The following NALF1 variants were observed in gnomAD, a reference collection of about 807,000 sequenced individuals.
NALF1 encodes the protein family with sequence similarity 155 member A.
In NALF1, 3 loss-of-function variants were observed where a neutral mutation model predicts 48.4. That is an observed-to-expected ratio of 0.06 (90% CI 0.03 to 0.16). The LOEUF is 0.16. Among genes scored for constraint, NALF1 ranks in the 10% least tolerant of loss-of-function variants. The pLI, the probability that NALF1 is intolerant of heterozygous loss-of-function variation, is 1.00. For synonymous variants in NALF1, 262 were observed against 245.7 expected (o/e 1.07, Z -0.62); for missense variants, 526 against 571.5 (o/e 0.92, Z 0.81).
At chr13:107,639,802 A>G (rs185391515) in intron 1 of NALF1, among the ~76,000 whole-genome samples, 1 of 152,262 alleles carries the variant, frequency 6.6e-6, no homozygotes, top group East Asian at 1.9e-4. Flanking sequence ...TGCTCATTGC[A>G]TTCTTTTATT....
intron 1 of NALF1, among the ~76,000 whole-genome samples, chr13:107,259,980 A>G (rs938209345): frequency 2.0e-5 from 3 of 152,242 alleles, no homozygotes; most frequent in African/African-American, 7.2e-5. Flanking sequence ...GCAACTCAAT[A>G]AAGATTTTCT....
intron 1 of NALF1, among the ~76,000 whole-genome samples, chr13:107,346,863 T>C (rs1659043801): frequency 6.6e-6 from 1 of 152,236 alleles, no homozygotes; most frequent in South Asian, 2.1e-4. Flanking sequence ...AGATGATTTT[T>C]AATATTAGAG....
intron 1 of NALF1, among the ~76,000 whole-genome samples, chr13:107,487,865 TTGTAC>T (rs1249197605): frequency 6.6e-6 from 1 of 151,968 alleles, no homozygotes; most frequent in Admixed American, 6.6e-5. Context: ...TACTGGCTCT[TTGTAC>T]ATCTGGCAGA....
chr13:107,550,099 T>C (rs180953425), intron 1 of NALF1, among the ~76,000 whole-genome samples: 29 of 152,250 alleles, frequency 1.9e-4, no homozygotes, highest in East Asian at 1.2e-3. Context: ...ATTGAAACCA[T>C]CACATCCTCA....
At chr13:107,494,119 G>T (rs915979439) in intron 1 of NALF1, among the ~76,000 whole-genome samples, 1 of 139,304 alleles carries the variant, frequency 7.2e-6, no homozygotes, top group Non-Finnish European at 1.5e-5. Context: ...TAGAACTACT[G>T]ATAAAAACAG....
At chr13:107,860,056 TA>T (rs1566509206) in intron 1 of NALF1, among the ~76,000 whole-genome samples, 1 of 151,942 alleles carries the variant, frequency 6.6e-6, no homozygotes, top group Non-Finnish European at 1.5e-5. Context: ...GAATTAAACT[TA>T]AAAAATAAAA....
At chr13:107,556,535 A>C (rs1202217863) in intron 1 of NALF1, among the ~76,000 whole-genome samples, 1 of 152,102 alleles carries the variant, frequency 6.6e-6, no homozygotes. Flanking sequence ...CTTGTTGCCC[A>C]GGCTGGAGTG....
chr13:107,782,451 G>T (rs1425668048), intron 1 of NALF1, among the ~76,000 whole-genome samples: 1 of 152,084 alleles, frequency 6.6e-6, no homozygotes, highest in Non-Finnish European at 1.5e-5. Flanking sequence ...AGTGCCCAGA[G>T]TGCAGCCTCT....
intron 1 of NALF1, among the ~76,000 whole-genome samples, chr13:107,687,798 C>G (rs1273705443): frequency 6.6e-6 from 1 of 152,090 alleles, no homozygotes; most frequent in Non-Finnish European, 1.5e-5. Context: ...TTCAGATTGT[C>G]AATTGCACTA....
intron 1 of NALF1, among the ~76,000 whole-genome samples, chr13:107,443,268 T>C (rs1347759760): frequency 6.6e-6 from 1 of 152,018 alleles, no homozygotes; most frequent in East Asian, 1.9e-4. Flanking sequence ...CAGGCTGGAG[T>C]GCAATAGTGC....
At chr13:107,530,909 T>C (rs940900516) in intron 1 of NALF1, among the ~76,000 whole-genome samples, 8 of 152,098 alleles carry the variant, frequency 5.3e-5, no homozygotes, top group African/African-American at 1.9e-4. Context: ...AAAAGAACAC[T>C]GACGATTTTT....
At chr13:107,616,745 G>A (rs1033380903) in intron 1 of NALF1, among the ~76,000 whole-genome samples, 1 of 152,096 alleles carries the variant, frequency 6.6e-6, no homozygotes, top group Admixed American at 6.6e-5. Context: ...AGAAGTAAAA[G>A]GACAAGTCAG....
chr13:107,572,881 T>C (rs1878029065), intron 1 of NALF1, among the ~76,000 whole-genome samples: 1 of 152,202 alleles, frequency 6.6e-6, no homozygotes, highest in Admixed American at 6.5e-5. Context: ...TGTCACTCTC[T>C]TCTTCAAAAC....
intron 2 of NALF1, among the ~76,000 whole-genome samples, chr13:107,176,316 G>GTTTT (rs5806633): frequency 1.6e-5 from 2 of 123,572 alleles, no homozygotes; most frequent in Non-Finnish European, 3.3e-5. Flanking sequence ...CAACCTCACA[G>GTTTT]TTTTTTTTTT....
At chr13:107,683,203 G>A (rs558426694) in intron 1 of NALF1, among the ~76,000 whole-genome samples, 3 of 152,266 alleles carry the variant, frequency 2.0e-5, no homozygotes, top group South Asian at 2.1e-4. Context: ...AGCTGTGATT[G>A]TGCCCCTGCA....
At chr13:107,718,576 G>A (rs1875890008) in intron 1 of NALF1, among the ~76,000 whole-genome samples, 1 of 152,210 alleles carries the variant, frequency 6.6e-6, no homozygotes, top group South Asian at 2.1e-4. Context: ...CTTGAGAGGA[G>A]TATTTAGAGC....
At chr13:107,748,231 G>A (rs964606619) in intron 1 of NALF1, among the ~76,000 whole-genome samples, 7 of 152,234 alleles carry the variant, frequency 4.6e-5, no homozygotes, top group African/African-American at 1.7e-4. Flanking sequence ...TGCTGTCTCA[G>A]TAGGCAATTT....
At chr13:107,775,647 G>T (rs1355829377) in intron 1 of NALF1, among the ~76,000 whole-genome samples, 2 of 151,452 alleles carry the variant, frequency 1.3e-5, no homozygotes, top group African/African-American at 4.9e-5. Context: ...TTCCACAATG[G>T]TTGAACTAGT....
At chr13:107,350,159 A>G (rs1882847996) in intron 1 of NALF1, among the ~76,000 whole-genome samples, 3 of 152,216 alleles carry the variant, frequency 2.0e-5, no homozygotes, top group African/African-American at 7.2e-5. Flanking sequence ...CTAACAGGCC[A>G]CGGACCAATA....
Sources: allele counts gnomAD v4.1 joint callset (sites outside exome capture counted in the v4.1 genomes callset), GRCh38; gene constraint gnomAD v4.1.1; transcripts MANE v1.5; gene names NCBI Gene and HGNC (gene_info 2026-07-23, HGNC 2026-07-21).